MCF2L: variants seen among roughly 807,000 people sequenced by gnomAD.
The protein encoded by MCF2L is MCF.2 cell line derived transforming sequence like.
A neutral mutation model predicts 153.4 loss-of-function variants in MCF2L; 97 were observed. The ratio of observed to expected loss-of-function variants is 0.63; its 90% CI spans 0.54 to 0.75. The LOEUF is 0.75. Among genes scored for constraint, MCF2L ranks in the 30% least tolerant of loss-of-function variants. MCF2L has a pLI of 0.00. For synonymous variants in MCF2L, 659 were observed against 632.2 expected, an observed-to-expected ratio of 1.04 and a Z score of -0.64; for missense variants, 1,347 against 1,495.2, an observed-to-expected ratio of 0.90 and a Z score of 1.64.
intron 1 of MCF2L, chr13:113,008,775 G>A (rs951763133): frequency 1.3e-5 from 2 of 152,218 alleles, no homozygotes; most frequent in African/African-American, 4.8e-5. Context: ...AGTTTCCCTT[G>A]GAGTGTGGGG....
In MCF2L at chr13:112,926,524, C is replaced by T. The variant is rs1391891073; in HGVS notation, c.169+24153C>T. ...TCTACATGCACAGCGGAGTACTGTA[C>T]GGCCTGGTCTACATGCACAGGGGGG... On this transcript the variant is annotated intron_variant, in intron 2 of 29. Transcript: ENST00000375608. Among the ~76,000 whole-genome samples, 8 of 152,116 alleles carry T rather than the reference C, an allele frequency of 5.3e-5. No individual in the cohort carries two copies. The East Asian group carries it at 5.8e-4, about 11-fold the overall frequency.
chr13:112,926,109 T>G (rs537358247), intron 2 of MCF2L, among the ~76,000 whole-genome samples: 72 of 152,340 alleles, frequency 4.7e-4, no homozygotes, highest in African/African-American at 1.7e-3. Context: ...ATGGTCCGTA[T>G]CCACAGCAGA....
intron 4 of MCF2L, among the ~76,000 whole-genome samples, chr13:113,050,159 TGA>T (rs1244038621): frequency 1.3e-5 from 2 of 149,036 alleles, no homozygotes; most frequent in South Asian, 2.1e-4. Flanking sequence ...TGTGAGTGTG[TGA>T]GTGTGAGTGT....
At chr13:113,006,958 C>T (rs978298882) in intron 1 of MCF2L, among the ~76,000 whole-genome samples, 4 of 152,158 alleles carry the variant, frequency 2.6e-5, no homozygotes, top group Non-Finnish European at 5.9e-5. Context: ...GCAGCCAGCC[C>T]GGCCCTTGGG....
intron 4 of MCF2L, among the ~76,000 whole-genome samples, chr13:113,056,530 TGTGTTTGGGTGCTGA>T (rs1310382592): frequency 2.5e-5 from 3 of 120,358 alleles, no homozygotes; most frequent in African/African-American, 6.6e-5. Context: ...GTGGGTGCTG[TGTGTTTGGGTGCTGA>T]GTGGGCACTG....
intron 26 of MCF2L, among the ~76,000 whole-genome samples, chr13:113,092,946 G>A (rs377124367): frequency 3.3e-5 from 5 of 150,510 alleles, no homozygotes; most frequent in Non-Finnish European, 7.4e-5. Flanking sequence ...GGCCGGCCTC[G>A]CTGCCCCTGT....
intron 1 of MCF2L, among the ~76,000 whole-genome samples, chr13:112,994,074 T>C (rs1171531186): frequency 1.3e-5 from 2 of 152,092 alleles, no homozygotes; most frequent in African/African-American, 4.8e-5. Context: ...AAAAGCACCT[T>C]CATGCGGGGT....
chr13:113,062,563 A>G (rs916652631), intron 5 of MCF2L, among the ~76,000 whole-genome samples: 1 of 152,046 alleles, frequency 6.6e-6, no homozygotes, highest in Non-Finnish European at 1.5e-5. Context: ...ACGGCTCCAC[A>G]GCAAGCCGTC....
At chr13:112,974,685 G>C (rs2082157718) in intron 1 of MCF2L, among the ~76,000 whole-genome samples, 3 of 152,172 alleles carry the variant, frequency 2.0e-5, no homozygotes, top group African/African-American at 7.2e-5. Context: ...AAATATGAGA[G>C]AAGCTGGCTC....
chr13:113,055,697 G>A (rs942827700), intron 4 of MCF2L, among the ~76,000 whole-genome samples: 6 of 152,090 alleles, frequency 3.9e-5, no homozygotes, highest in African/African-American at 1.2e-4. Flanking sequence ...CAGGCGCCTC[G>A]TCCACCAGGA....
At chr13:112,981,769 G>A (rs2140909317) in intron 1 of MCF2L, among the ~76,000 whole-genome samples, 1 of 152,342 alleles carries the variant, frequency 6.6e-6, no homozygotes, top group Non-Finnish European at 1.5e-5. Flanking sequence ...AGAGCCCAGT[G>A]CCCTCTGCCT....
intron 1 of MCF2L, among the ~76,000 whole-genome samples, chr13:113,005,324 G>T (rs555667383): frequency 6.6e-6 from 1 of 152,240 alleles, no homozygotes; most frequent in Non-Finnish European, 1.5e-5. Context: ...CGACAAGCAC[G>T]GTGGCTACTG....
intron 1 of MCF2L, among the ~76,000 whole-genome samples, chr13:113,003,495 G>A (rs935218121): frequency 6.6e-6 from 1 of 151,922 alleles, no homozygotes; most frequent in Non-Finnish European, 1.5e-5. Flanking sequence ...GCTCCGGTGT[G>A]AGCAGGGGTA....
chr13:113,018,780 G>A (rs2084694826), intron 2 of MCF2L, among the ~76,000 whole-genome samples: 1 of 152,258 alleles, frequency 6.6e-6, no homozygotes, highest in Non-Finnish European at 1.5e-5. Context: ...CTGAAATGGA[G>A]GCCCTGCCCG....
intron 3 of MCF2L, among the ~76,000 whole-genome samples, chr13:113,026,359 G>A (rs1594732601): frequency 6.6e-6 from 1 of 152,142 alleles, no homozygotes; most frequent in East Asian, 1.9e-4. Context: ...TTGCTGAGGG[G>A]TTAGAGCTTT....
chr13:113,090,730 A>G (rs2035128088), intron 26 of MCF2L: 5 of 985,366 alleles, frequency 5.1e-6, no homozygotes, highest in Non-Finnish European at 6.0e-6. Context: ...GCCAGCGTGG[A>G]CAAGGGCTCT....
At chr13:112,922,878 T>G (rs889835370) in intron 2 of MCF2L, among the ~76,000 whole-genome samples, 3 of 152,216 alleles carry the variant, frequency 2.0e-5, no homozygotes, top group African/African-American at 7.2e-5. Context: ...TAGGGGTTTA[T>G]TCAAGGAATG....
chr13:112,970,931 G>A (rs1441459437), intron 1 of MCF2L, among the ~76,000 whole-genome samples: 2 of 152,140 alleles, frequency 1.3e-5, no homozygotes, highest in Admixed American at 6.5e-5. Flanking sequence ...CTGCATTACC[G>A]ATAATTGCAT....
intron 4 of MCF2L, among the ~76,000 whole-genome samples, chr13:113,050,355 A>G (rs1309676013): frequency 6.6e-6 from 1 of 151,590 alleles, no homozygotes; most frequent in Non-Finnish European, 1.5e-5. Flanking sequence ...AATAGAGTAT[A>G]TATATTCATG....
Sources: gnomAD v4.1 joint callset for allele counts (sites outside exome capture counted in the v4.1 genomes callset) on GRCh38, gnomAD v4.1.1 for gene constraint, MANE v1.5 for transcripts, NCBI Gene and HGNC (gene_info 2026-07-23, HGNC 2026-07-21) for gene names.